Variants in IL4I1 observed in about 807,000 individuals in gnomAD.
IL4I1 encodes the protein interleukin 4 induced 1.
Under a neutral mutation model 29.7 loss-of-function variants are expected in IL4I1, and 24 were observed. The ratio of observed to expected loss-of-function variants is 0.81; its 90% CI spans 0.59 to 1.14. IL4I1 has a LOEUF of 1.14. Ranked by LOEUF, IL4I1 falls within the 50% of genes most tolerant of loss-of-function variation. The pLI, the probability that IL4I1 is intolerant of heterozygous loss-of-function variation, is 0.00. For missense variants in IL4I1, 686 were observed against 785.6 expected (o/e 0.87, Z 1.52); for synonymous variants, 371 against 352.5 (o/e 1.05, Z -0.59).
At chr19:49,914,451 T>C (rs2075566013) in intron 2 of IL4I1, among the ~76,000 whole-genome samples, 1 of 152,108 alleles carries the variant, frequency 6.6e-6, no homozygotes, top group Non-Finnish European at 1.5e-5. Context: ...TGCCTTGAGG[T>C]CACCAAGGAA....
chr19:49,907,319 T>C, intron 2 of IL4I1: 3 of 309,036 alleles, frequency 9.7e-6, no homozygotes, highest in Non-Finnish European at 1.9e-5. Context: ...AAGGTGGGGG[T>C]GAGCCTGGGC....
chr19:49,925,874 GT>G (rs1201925835), intron 2 of IL4I1, among the ~76,000 whole-genome samples: 2 of 152,130 alleles, frequency 1.3e-5, no homozygotes, highest in Non-Finnish European at 2.9e-5. Context: ...CAACTTTTCT[GT>G]TGAGTCAATC....
At chr19:49,908,174 A>G (rs2075365227) in intron 2 of IL4I1, 3 of 1,585,934 alleles carry the variant, frequency 1.9e-6, no homozygotes, top group Admixed American at 1.8e-5. Flanking sequence ...CCCAAACTAC[A>G]GACAACAGGG....
chr19:49,918,108 C>T (rs1180306789), intron 2 of IL4I1, among the ~76,000 whole-genome samples: 17 of 151,554 alleles, frequency 1.1e-4, no homozygotes, highest in Admixed American at 2.6e-4. Flanking sequence ...GAGTCTCACT[C>T]TGTCATCCAG....
At chr19:49,895,698 T>TGCCCCCCCCAA in intron 3 of IL4I1, 117 bp downstream of exon 3, 13 of 705,406 alleles carry the variant, frequency 1.8e-5, no homozygotes, top group Non-Finnish European at 2.8e-5. Context: ...AGATAGCCTC[T>TGCCCCCCCCAA]CCCCCCACAT....
chr19:49,890,291 C>G lies in IL4I1; in HGVS notation c.1083G>C (p.Arg361Ser), dbSNP rs1269246242. Reference protein sequence around the residue: ...PATKVFLSFRRPFWREEHIEG... With the variant: ...PATKVFLSFRSPFWREEHIEG... ...CAATGTGCTCCTCGCGCCAGAAGGG[C>G]CTGCGGAAGCTTAGGAACACCTTGG... The change falls in exon 8 of 8, where the codon AGG becomes AGC. Residue 361 changes from arginine (R) to serine (S), a missense_variant. By Grantham distance (110) the Arg-to-Ser change is moderately radical. Coordinates refer to ENST00000391826, the MANE Select transcript of IL4I1 (RefSeq NM_152899.2). 6.2e-7 allele frequency: 1 copy of G among 1,601,196 alleles called. No homozygotes were observed. The highest frequency in any genetic ancestry group is 1.7e-5 in the Admixed American group (1 of 58,634).
chr19:49,928,504 C>T (rs1393947119), intron 1 of IL4I1: 3 of 140,008 alleles, frequency 2.1e-5, no homozygotes, highest in African/African-American at 7.9e-5. Context: ...GCGACAGAGA[C>T]GGAGAGACTC....
chr19:49,916,937 T>G (rs1313396150), intron 2 of IL4I1, among the ~76,000 whole-genome samples: 1 of 152,178 alleles, frequency 6.6e-6, no homozygotes, highest in Non-Finnish European at 1.5e-5. Context: ...ATAAAAAAGT[T>G]CTGGGAGGCA....
At position 49,913,535 on chromosome 19, in the gene IL4I1, G is replaced by A. The variant is rs183259169; in HGVS notation, c.-227-9214C>T. Among the ~76,000 whole-genome samples the A allele has an allele frequency of 9.3e-4, 141 of 152,290 alleles. 1 individual carries two copies. The highest frequency in any genetic ancestry group is 3.4e-3 in the Middle Eastern group (1 of 294). Reference sequence around the variant, plus strand: ...CCATGTCCTCCCCACAACCCGGGCCGCCACTGCTCCGTAAGCGTTACCACA... The same window carrying A: ...CCATGTCCTCCCCACAACCCGGGCCACCACTGCTCCGTAAGCGTTACCACA... On this transcript the variant is annotated intron_variant, in intron 2 of 9. Transcript: ENST00000341114.
At position 49,895,891 on chromosome 19, in the gene IL4I1, GGC is replaced by G; in HGVS notation, c.174_175del (p.Lys58AsnfsTer34). The G allele has an allele frequency of 6.2e-7, 1 of 1,614,156 alleles. No homozygotes were observed. The highest frequency in any genetic ancestry group is 8.5e-7 in the Non-Finnish European group (1 of 1,180,042). On this transcript the variant is annotated frameshift_variant, in exon 3 of 8. Transcript: ENST00000391826. LOFTEE classifies it high-confidence loss of function. The stretch of plus-strand genomic sequence containing the variant: ...AGCGCCAACCACAATCACCCTCTGG[GGC>G]TTCAGGGTCCGATTGAGCCCCCAGG...
chr19:49,918,131 A>G (rs1040210609), intron 2 of IL4I1, among the ~76,000 whole-genome samples: 1 of 151,920 alleles, frequency 6.6e-6, no homozygotes, highest in Non-Finnish European at 1.5e-5. Context: ...CAGTGGTATA[A>G]TCACAGCTCA....
At chr19:49,909,184 G>C (rs2075397042) in intron 2 of IL4I1, 7 of 1,613,686 alleles carry the variant, frequency 4.3e-6, no homozygotes, top group Non-Finnish European at 5.9e-6. Flanking sequence ...CTGTGGGTGT[G>C]GGAGCAGCTG....
intron 2 of IL4I1, among the ~76,000 whole-genome samples, chr19:49,922,673 C>G (rs997093671): frequency 6.6e-6 from 1 of 151,694 alleles, no homozygotes; most frequent in African/African-American, 2.4e-5. Flanking sequence ...CCAGGTTTTT[C>G]TGAATTACTT....
upstream of IL4I1, among the ~76,000 whole-genome samples, chr19:49,897,457 C>T (rs572187705): frequency 5.2e-5 from 7 of 134,460 alleles, no homozygotes; most frequent in African/African-American, 1.5e-4. Context: ...CTGTGGCTCT[C>T]GTCTACAGCT....
chr19:49,901,618 GC>G, upstream of IL4I1: 2 of 1,475,356 alleles, frequency 1.4e-6, no homozygotes, highest in Non-Finnish European at 1.8e-6. Flanking sequence ...ACATCCCAGG[GC>G]CCCGGGTGGG....
At chr19:49,892,229 C>A (rs2075149177) in intron 5 of IL4I1, among the ~76,000 whole-genome samples, 1 of 151,974 alleles carries the variant, frequency 6.6e-6, no homozygotes, top group South Asian at 2.1e-4. Flanking sequence ...TTACAGGCGC[C>A]TGCCACCACA....
In IL4I1 at chr19:49,895,925, C is replaced by T. The variant is rs769170696; in HGVS notation, c.142G>A (p.Val48Met). 40 of 1,614,102 alleles carry T rather than the reference C, an allele frequency of 2.5e-5. 1 individual carries two copies. In the South Asian group the frequency reaches 4.1e-4, roughly 16 times the overall value. Reference sequence around the variant, plus strand: ...GTCCGATTGAGCCCCCAGGTCACCACCTTGAGCAGCTGCTCATAGTCAGGA... The same window carrying T: ...GTCCGATTGAGCCCCCAGGTCACCATCTTGAGCAGCTGCTCATAGTCAGGA... Reference protein sequence around the residue: ...QDPDYEQLLKVVTWGLNRTLK... With the variant: ...QDPDYEQLLKMVTWGLNRTLK... Residue 48 changes from valine (V) to methionine (M), a missense_variant, in exon 3 of 8, where the codon GTG becomes ATG. Physicochemically the swap from Val to Met is conservative, Grantham distance 21. Coordinates refer to ENST00000391826, the MANE Select transcript of IL4I1 (RefSeq NM_152899.2).
intron 2 of IL4I1, among the ~76,000 whole-genome samples, chr19:49,906,518 G>A (rs2075326511): frequency 6.6e-6 from 1 of 152,126 alleles, no homozygotes; most frequent in Non-Finnish European, 1.5e-5. Flanking sequence ...AGCCATATTT[G>A]TGTATATTCT....
At chr19:49,894,188 G>A in intron 5 of IL4I1, 80 bp downstream of exon 5, 1 of 1,388,066 alleles carries the variant, frequency 7.2e-7, no homozygotes, top group South Asian at 1.2e-5. Context: ...GGATGCCAGA[G>A]AGAAGAAAAG....
Sources: gnomAD v4.1 joint callset for allele counts (sites outside exome capture counted in the v4.1 genomes callset) on GRCh38, gnomAD v4.1.1 for gene constraint, MANE v1.5 for transcripts, NCBI Gene and HGNC (gene_info 2026-07-23, HGNC 2026-07-21) for gene names.